The following IKZF2 variants were observed in gnomAD, a reference collection of about 807,000 sequenced individuals.
IKZF2 encodes IKAROS family zinc finger 2.
IKZF2 carries 15 observed loss-of-function variants against 49.2 expected under a neutral mutation model. That is an observed-to-expected ratio of 0.30 (90% CI 0.20 to 0.47). IKZF2 has a LOEUF of 0.47. Among genes scored for constraint, IKZF2 ranks in the 20% least tolerant of loss-of-function variants. The probability of loss-of-function intolerance (pLI) is 1.00; values close to 1 mark genes in which losing one functional copy is unlikely to be tolerated. For synonymous variants in IKZF2, 227 were observed against 221.4 expected (o/e 1.03, Z -0.23); for missense variants, 567 against 664.6 (o/e 0.85, Z 1.61).
At chr2:213,081,477 T>C (rs535411993) in intron 4 of IKZF2, among the ~76,000 whole-genome samples, 80 of 152,166 alleles carry the variant, frequency 5.3e-4, no homozygotes, top group Non-Finnish European at 1.1e-3. Context: ...AATGAGAATA[T>C]GGCATGATGA....
chr2:213,127,119 T>A (rs1006903769), intron 4 of IKZF2, among the ~76,000 whole-genome samples: 2 of 152,210 alleles, frequency 1.3e-5, no homozygotes, highest in African/African-American at 4.8e-5. Flanking sequence ...CATACACCAT[T>A]TGTAAATTGC....
chr2:213,020,195 T>G (rs1297571506), intron 7 of IKZF2, among the ~76,000 whole-genome samples: 1 of 152,170 alleles, frequency 6.6e-6, no homozygotes, highest in South Asian at 2.1e-4. Flanking sequence ...CCAGCCTCAA[T>G]TTACCCTTAA....
At chr2:213,047,236 A>C (rs1007906263) in intron 6 of IKZF2, among the ~76,000 whole-genome samples, 3 of 152,116 alleles carry the variant, frequency 2.0e-5, no homozygotes, top group African/African-American at 4.8e-5. Flanking sequence ...TGGCAAGACA[A>C]ATACAATTAG....
intron 4 of IKZF2, among the ~76,000 whole-genome samples, chr2:213,113,750 G>C (rs2059787635): frequency 6.6e-6 from 1 of 152,086 alleles, no homozygotes; most frequent in Admixed American, 6.5e-5. Context: ...AATTGTTTTA[G>C]GGAAGGAGTG....
chr2:213,023,637 T>C (rs974813625), intron 6 of IKZF2, among the ~76,000 whole-genome samples: 2 of 152,210 alleles, frequency 1.3e-5, no homozygotes, highest in Non-Finnish European at 2.9e-5. Flanking sequence ...TTCCAAGATA[T>C]GGGACTACAT....
chr2:213,069,830 T>C (rs1179142033), intron 4 of IKZF2, among the ~76,000 whole-genome samples: 1 of 152,106 alleles, frequency 6.6e-6, no homozygotes, highest in Non-Finnish European at 1.5e-5. Context: ...AGCAATATGT[T>C]TTTGGCAAGA....
At chr2:213,143,685 G>A (rs1480975821) in intron 4 of IKZF2, among the ~76,000 whole-genome samples, 2 of 151,988 alleles carry the variant, frequency 1.3e-5, no homozygotes, top group Middle Eastern at 3.4e-3. Context: ...GTGTCCTACA[G>A]AAATCCAAGC....
At chr2:213,140,851 T>C (rs1048933507) in intron 4 of IKZF2, among the ~76,000 whole-genome samples, 4 of 151,948 alleles carry the variant, frequency 2.6e-5, no homozygotes, top group African/African-American at 9.7e-5. Flanking sequence ...GACATGAATG[T>C]TTTCAAAATA....
At chr2:213,123,770 T>A (rs1444117471) in intron 4 of IKZF2, among the ~76,000 whole-genome samples, 1 of 152,108 alleles carries the variant, frequency 6.6e-6, no homozygotes, top group Non-Finnish European at 1.5e-5. Flanking sequence ...ACATAATATA[T>A]ATGTTAAGCA....
chr2:213,103,126 T>C (rs528708406), intron 4 of IKZF2, among the ~76,000 whole-genome samples: 15 of 152,254 alleles, frequency 9.9e-5, no homozygotes, highest in African/African-American at 3.6e-4. Context: ...AAAATATAAG[T>C]ATTCTCACTT....
chr2:213,070,071 G>A (rs1250082223), intron 4 of IKZF2, among the ~76,000 whole-genome samples: 1 of 151,842 alleles, frequency 6.6e-6, no homozygotes, highest in East Asian at 1.9e-4. Context: ...TGTCTGGTTT[G>A]ACTTTCACAC....
intron 7 of IKZF2, among the ~76,000 whole-genome samples, chr2:213,016,628 A>G (rs1435444636): frequency 6.6e-6 from 1 of 152,156 alleles, no homozygotes; most frequent in Non-Finnish European, 1.5e-5. Context: ...AGATATACCA[A>G]TAAGGTAACT....
intron 4 of IKZF2, among the ~76,000 whole-genome samples, chr2:213,092,172 C>A (rs1262357592): frequency 6.6e-6 from 1 of 151,954 alleles, no homozygotes; most frequent in East Asian, 1.9e-4. Flanking sequence ...ACCACATATG[C>A]ACACCACCAC....
At position 213,076,533 on chromosome 2, in the gene IKZF2, T is replaced by A. The variant is rs367775211; in HGVS notation, c.140-19434A>T. On this transcript the variant is annotated intron_variant, in intron 4 of 8. Coordinates refer to ENST00000434687, the MANE Select transcript of IKZF2 (RefSeq NM_001387220.1). ...ATTTAAATTAAATGAAATATGTATG[T>A]GAAGTGCTTTTTAACTCCAAACGTA... 5.3e-4 allele frequency among the ~76,000 whole-genome samples: 80 copies of A among 152,344 alleles called. 1 individual carries two copies. In the South Asian group the frequency reaches 0.016, roughly 30 times the overall value.
intron 4 of IKZF2, among the ~76,000 whole-genome samples, chr2:213,098,673 A>T (rs1002339873): frequency 1.2e-4 from 19 of 152,316 alleles, no homozygotes; most frequent in Admixed American, 1.0e-3. Flanking sequence ...GCAGGAAAAA[A>T]AATATATAGG....
chr2:213,077,731 G>A (rs1211268204), intron 4 of IKZF2, among the ~76,000 whole-genome samples: 1 of 151,584 alleles, frequency 6.6e-6, no homozygotes, highest in Non-Finnish European at 1.5e-5. Flanking sequence ...GGGACTACAG[G>A]CGCCCGCCAC....
chr2:213,146,133 T>C (rs1268555453), intron 4 of IKZF2, among the ~76,000 whole-genome samples: 1 of 152,144 alleles, frequency 6.6e-6, no homozygotes, highest in Non-Finnish European at 1.5e-5. Context: ...GCAATGTTTC[T>C]AAAGCCAATA....
In IKZF2 at chr2:213,151,548, T is replaced by G. The variant is rs2061280623; in HGVS notation, c.-255A>C. ...CAGTTGGTGGTGGAAACTAAGGCAG[T>G]GGATCTGTAGCTAAGGGTAATCCTG... On this transcript the variant is annotated 5_prime_UTR_variant, in exon 1 of 9. Coordinates refer to ENST00000434687, the MANE Select transcript of IKZF2 (RefSeq NM_001387220.1). 1 of 152,590 alleles carries G rather than the reference T, an allele frequency of 6.6e-6. No homozygotes were observed. The highest frequency in any genetic ancestry group is 2.4e-5 in the African/African-American group (1 of 41,458). 9.5% of individuals were successfully genotyped at this position (152,590 alleles called of 1,614,324 possible).
intron 6 of IKZF2, among the ~76,000 whole-genome samples, chr2:213,039,464 C>T (rs1699398083): frequency 6.6e-6 from 1 of 151,920 alleles, no homozygotes; most frequent in South Asian, 2.1e-4. Flanking sequence ...AACAGAATAG[C>T]TTTAAACTGA....
Sources: gnomAD v4.1 joint callset for allele counts (sites outside exome capture counted in the v4.1 genomes callset) on GRCh38, gnomAD v4.1.1 for gene constraint, MANE v1.5 for transcripts, NCBI Gene and HGNC (gene_info 2026-07-23, HGNC 2026-07-21) for gene names.